Variants in ZFHX3 observed in about 807,000 individuals in gnomAD.
The protein encoded by ZFHX3 is zinc finger homeobox 3, also known as zinc finger homeobox protein 3.
A neutral mutation model predicts 279.1 loss-of-function variants in ZFHX3; 42 were observed. The observed-to-expected ratio is 0.15, with a 90% confidence interval of 0.12 to 0.19. The LOEUF is 0.19. ZFHX3 is among the 10% of genes least tolerant of loss of function. The pLI is 1.00. For missense variants in ZFHX3, 4,981 were observed against 4,754.0 expected (o/e 1.05, Z -1.40); for synonymous variants, 2,293 against 1,957.8 (o/e 1.17, Z -4.52).
intron 2 of ZFHX3, among the ~76,000 whole-genome samples, chr16:73,591,679 C>G (rs569686814): frequency 6.5e-4 from 63 of 97,386 alleles, no homozygotes; most frequent in African/African-American, 2.5e-3. Context: ...GGCGACAGAG[C>G]GAGACTCTGT....
In ZFHX3 at chr16:73,473,351, A is replaced by AC. The variant is rs1358827934; in HGVS notation, c.-1546-17094_-1546-17093insG. Among the ~76,000 whole-genome samples the AC allele has an allele frequency of 1.1e-3, 54 of 48,802 alleles. 1 individual carries two copies. The highest frequency in any genetic ancestry group is 8.6e-3 in the South Asian group (13 of 1,520). 32.0% of individuals were successfully genotyped at this position (48,802 alleles called of 152,430 possible). On this transcript the variant is annotated intron_variant, in intron 2 of 17. Transcript: ENST00000641206. Reference sequence around the variant, plus strand: ...GACTGTCTCAAAGCAAAAAAAAAAAAAAAAAACAAAAAAAAAAAAAACAAA... The same window carrying AC: ...GACTGTCTCAAAGCAAAAAAAAAAAACAAAAAACAAAAAAAAAAAAAACAAA...
intron 1 of ZFHX3, among the ~76,000 whole-genome samples, chr16:73,714,766 A>C (rs2053398446): frequency 6.6e-6 from 1 of 152,038 alleles, no homozygotes; most frequent in South Asian, 2.1e-4. Context: ...TCCTTTCCAA[A>C]ACTTTAGTCT....
At chr16:73,636,819 T>C (rs775975754) in intron 2 of ZFHX3, among the ~76,000 whole-genome samples, 46 of 152,326 alleles carry the variant, frequency 3.0e-4, no homozygotes, top group Non-Finnish European at 5.1e-4. Context: ...ATAGTAAAGC[T>C]ATCAATTTCA....
At chr16:72,886,151 AAAAC>A (rs1379284930) in intron 4 of ZFHX3, among the ~76,000 whole-genome samples, 1 of 152,208 alleles carries the variant, frequency 6.6e-6, no homozygotes, top group Non-Finnish European at 1.5e-5. Context: ...AGTGGTTCCT[AAAAC>A]GGAACCAAGT....
chr16:73,793,310 T>G (rs1247518744), intron 1 of ZFHX3, among the ~76,000 whole-genome samples: 2 of 152,216 alleles, frequency 1.3e-5, no homozygotes, highest in Non-Finnish European at 1.5e-5. Flanking sequence ...GACCAATCTT[T>G]GAGATTCAAA....
At chr16:73,520,236 G>A (rs2019588715) in intron 2 of ZFHX3, among the ~76,000 whole-genome samples, 2 of 152,110 alleles carry the variant, frequency 1.3e-5, no homozygotes, top group African/African-American at 2.4e-5. Context: ...CAATTGTGAT[G>A]TTTTATGACT....
intron 3 of ZFHX3, among the ~76,000 whole-genome samples, chr16:72,892,764 T>C: frequency 6.6e-6 from 1 of 152,170 alleles, no homozygotes; most frequent in African/African-American, 2.4e-5. Flanking sequence ...CGCCTCAGTC[T>C]CCTAAAGTAG....
intron 1 of ZFHX3, among the ~76,000 whole-genome samples, chr16:73,747,137 C>T (rs2053711981): frequency 6.6e-6 from 1 of 152,120 alleles, no homozygotes; most frequent in African/African-American, 2.4e-5. Flanking sequence ...ACTTGTAATC[C>T]CAACACTTTG....
chr16:73,538,079 C>A (rs754733601), intron 2 of ZFHX3, among the ~76,000 whole-genome samples: 2 of 152,092 alleles, frequency 1.3e-5, no homozygotes, highest in Non-Finnish European at 2.9e-5. Flanking sequence ...GATGGAATGT[C>A]CAAGTGATCA....
intron 1 of ZFHX3, among the ~76,000 whole-genome samples, chr16:73,737,692 A>T (rs2053621137): frequency 6.6e-6 from 1 of 152,066 alleles, no homozygotes; most frequent in African/African-American, 2.4e-5. Flanking sequence ...GAAAAAAAAA[A>T]AATCCCACAA....
chr16:73,679,218 C>CA (rs2052985842), intron 2 of ZFHX3, among the ~76,000 whole-genome samples: 1 of 151,890 alleles, frequency 6.6e-6, no homozygotes, highest in Non-Finnish European at 1.5e-5. Flanking sequence ...AACACTTCAT[C>CA]AAAATGAACG....
At chr16:72,904,776 G>GT (rs772551987) in intron 3 of ZFHX3, among the ~76,000 whole-genome samples, 18 of 70,852 alleles carry the variant, frequency 2.5e-4, no homozygotes, top group African/African-American at 1.2e-3. Context: ...CCTTGCCTGT[G>GT]GGGGGGGTCC....
At chr16:73,075,653 AGATG>A (rs1965879643) in intron 8 of ZFHX3, among the ~76,000 whole-genome samples, 1 of 149,246 alleles carries the variant, frequency 6.7e-6, no homozygotes, top group East Asian at 2.0e-4. Flanking sequence ...TTTTTTTTTG[AGATG>A]GAGTCTCGCT....
intron 3 of ZFHX3, among the ~76,000 whole-genome samples, chr16:73,357,989 G>T (rs1030562075): frequency 6.6e-6 from 1 of 152,134 alleles, no homozygotes; most frequent in Non-Finnish European, 1.5e-5. Flanking sequence ...ATCCCCTCTC[G>T]GGAGCATCTT....
At chr16:73,231,262 G>C (rs937888218) in intron 5 of ZFHX3, among the ~76,000 whole-genome samples, 3 of 152,212 alleles carry the variant, frequency 2.0e-5, no homozygotes, top group Admixed American at 2.0e-4. Flanking sequence ...GCAGGAGAAA[G>C]CCATCTATAT....
chr16:73,105,908 C>T (rs1438424646), intron 7 of ZFHX3, among the ~76,000 whole-genome samples: 2 of 151,024 alleles, frequency 1.3e-5, no homozygotes, highest in Non-Finnish European at 3.0e-5. Context: ...CGCATCTCTC[C>T]CACTCCCTAT....
chr16:73,105,400 T>C (rs1966287717), intron 7 of ZFHX3, among the ~76,000 whole-genome samples: 1 of 137,414 alleles, frequency 7.3e-6, no homozygotes, highest in African/African-American at 2.7e-5. Context: ...CACACATATA[T>C]ATATATATAC....
chr16:73,325,309 G>A (rs1471829539), intron 3 of ZFHX3, among the ~76,000 whole-genome samples: 2 of 152,214 alleles, frequency 1.3e-5, no homozygotes, highest in Non-Finnish European at 2.9e-5. Context: ...GGTTCTGGGT[G>A]CTTAGAGGTG....
At chr16:73,820,373 T>G (rs1960702038) in intron 1 of ZFHX3, among the ~76,000 whole-genome samples, 1 of 152,180 alleles carries the variant, frequency 6.6e-6, no homozygotes, top group Non-Finnish European at 1.5e-5. Context: ...ACACCCGGCC[T>G]GGGAGTAACT....
Sources: gnomAD v4.1 joint callset for allele counts (sites outside exome capture counted in the v4.1 genomes callset) on GRCh38, gnomAD v4.1.1 for gene constraint, MANE v1.5 for transcripts, NCBI Gene and HGNC (gene_info 2026-07-23, HGNC 2026-07-21) for gene names.